CECR2: variants seen among roughly 807,000 people sequenced by gnomAD.
CECR2 encodes chromatin remodeling regulator CECR2.
CECR2 carries 30 observed loss-of-function variants against 154.5 expected under a neutral mutation model. That is an observed-to-expected ratio of 0.19 (90% confidence interval 0.15 to 0.26). The LOEUF (loss-of-function observed/expected upper bound fraction) is 0.26, where lower values mean the gene tolerates loss of function less well. Among genes scored for constraint, CECR2 ranks in the 10% least tolerant of loss-of-function variants. The probability of loss-of-function intolerance (pLI) is 1.00; values close to 1 mark genes in which losing one functional copy is unlikely to be tolerated. For synonymous variants in CECR2, 725 were observed against 683.7 expected, an observed-to-expected ratio of 1.06 and a Z score of -0.94; for missense variants, 1,743 against 1,829.3, an observed-to-expected ratio of 0.95 and a Z score of 0.86.
At chr22:17,508,904 A>G (rs1239633347) in intron 7 of CECR2, among the ~76,000 whole-genome samples, 1 of 152,220 alleles carries the variant, frequency 6.6e-6, no homozygotes, top group Admixed American at 6.5e-5. Context: ...ACTGTTTTGC[A>G]GTCTTATCCA....
At chr22:17,376,381 G>A (rs914451239) in intron 1 of CECR2, among the ~76,000 whole-genome samples, 6 of 129,964 alleles carry the variant, frequency 4.6e-5, no homozygotes, top group African/African-American at 1.7e-4. Context: ...TTAATGTTCT[G>A]GAATACACTT....
Position 17,552,952 on chromosome 22 carries a change from A to G in CECR2, c.*112A>G. The G allele has an allele frequency of 6.6e-7, 1 of 1,507,848 alleles. No individual in the cohort carries two copies. The highest frequency in any genetic ancestry group is 8.8e-7 in the Non-Finnish European group (1 of 1,130,906). 93.4% of individuals were successfully genotyped at this position (1,507,848 alleles called of 1,614,324 possible). On this transcript the variant is annotated 3_prime_UTR_variant, in exon 19 of 19. Transcript: ENST00000262608. ...TTCCCATCACCTGCTCCACCCCTTCACGGCGACCCACTCGTGCCATACTTG... is the reference window on the plus strand; with the variant it reads ...TTCCCATCACCTGCTCCACCCCTTCGCGGCGACCCACTCGTGCCATACTTG...
At chr22:17,451,558 A>G (rs557623691) in intron 1 of CECR2, among the ~76,000 whole-genome samples, 5 of 152,240 alleles carry the variant, frequency 3.3e-5, no homozygotes, top group Admixed American at 1.3e-4. Context: ...TCTCAGTTCC[A>G]TGGGGCTTGC....
chr22:17,425,415 A>G (rs1164063599), intron 1 of CECR2, among the ~76,000 whole-genome samples: 3 of 152,118 alleles, frequency 2.0e-5, no homozygotes, highest in African/African-American at 7.2e-5. Flanking sequence ...CTTTCAATAC[A>G]TATTTATTGA....
intron 2 of CECR2, among the ~76,000 whole-genome samples, chr22:17,477,979 G>C (rs1312901816): frequency 2.0e-5 from 3 of 152,038 alleles, no homozygotes; most frequent in African/African-American, 7.2e-5. Flanking sequence ...GCCATTTTCT[G>C]ATTTTGCAGT....
intron 3 of CECR2, among the ~76,000 whole-genome samples, chr22:17,498,968 C>T (rs2146876563): frequency 6.6e-6 from 1 of 151,566 alleles, no homozygotes; most frequent in Admixed American, 6.6e-5. Context: ...ACATAAGATA[C>T]TTGGACATTT....
At chr22:17,495,625 G>A (rs1414736365) in intron 2 of CECR2, among the ~76,000 whole-genome samples, 1 of 150,172 alleles carries the variant, frequency 6.7e-6, no homozygotes, top group Non-Finnish European at 1.5e-5. Context: ...CACTTCGGGA[G>A]GCCGAGGCGG....
intron 1 of CECR2, among the ~76,000 whole-genome samples, chr22:17,381,875 A>G (rs1934342781): frequency 6.8e-6 from 1 of 146,706 alleles, no homozygotes; most frequent in South Asian, 2.1e-4. Flanking sequence ...TAGGTCAGAG[A>G]GCCCCCACAT....
chr22:17,497,730 A>G (rs974480742), intron 3 of CECR2, 144 bp downstream of exon 3: 10 of 719,154 alleles, frequency 1.4e-5, no homozygotes, highest in Admixed American at 2.6e-5. Context: ...ATAACACTGT[A>G]TGGAAAACCA....
chr22:17,520,655 A>G (rs988916625), intron 8 of CECR2, among the ~76,000 whole-genome samples: 1 of 151,730 alleles, frequency 6.6e-6, no homozygotes, highest in Admixed American at 6.6e-5. Context: ...GTTCCCACCT[A>G]TGAGTGAGAA....
intron 1 of CECR2, among the ~76,000 whole-genome samples, chr22:17,392,631 GA>G (rs1255992265): frequency 1.3e-5 from 2 of 151,438 alleles, no homozygotes; most frequent in Non-Finnish European, 2.9e-5. Flanking sequence ...GCAGTGAGCC[GA>G]AATTATACCA....
chr22:17,409,189 G>A (rs2054031673), intron 1 of CECR2, among the ~76,000 whole-genome samples: 1 of 150,390 alleles, frequency 6.6e-6, no homozygotes. Flanking sequence ...CTGGAGTGCA[G>A]TGGCATGATC....
intron 1 of CECR2, among the ~76,000 whole-genome samples, chr22:17,475,509 G>A (rs2055194430): frequency 6.6e-6 from 1 of 152,090 alleles, no homozygotes; most frequent in Admixed American, 6.6e-5. Context: ...GCCCAGGCTG[G>A]TCTCAAACTC....
intron 1 of CECR2, among the ~76,000 whole-genome samples, chr22:17,379,632 T>C (rs2146465803): frequency 6.9e-6 from 1 of 144,490 alleles, no homozygotes; most frequent in African/African-American, 2.5e-5. Context: ...GTGTTTGCGA[T>C]ATATGCATAT....
intron 8 of CECR2, among the ~76,000 whole-genome samples, chr22:17,513,113 G>T (rs764911589): frequency 6.6e-6 from 1 of 152,052 alleles, no homozygotes; most frequent in Non-Finnish European, 1.5e-5. Context: ...TAGCTCAGGA[G>T]CCTGAAGCAG....
upstream of CECR2, among the ~76,000 whole-genome samples, chr22:17,367,039 GGGA>G (rs1301766947): frequency 1.3e-5 from 2 of 152,216 alleles, no homozygotes; most frequent in Admixed American, 6.5e-5. Flanking sequence ...GGCAGCAGAA[GGGA>G]GGAGGAGCCC....
intron 1 of CECR2, among the ~76,000 whole-genome samples, chr22:17,460,345 G>A (rs1479697518): frequency 2.6e-5 from 4 of 152,288 alleles, no homozygotes; most frequent in African/African-American, 9.6e-5. Flanking sequence ...GACTAGCTGG[G>A]ATTACAGGTG....
At chr22:17,376,287 A>G (rs2063118278) in intron 1 of CECR2, among the ~76,000 whole-genome samples, 1 of 152,200 alleles carries the variant, frequency 6.6e-6, no homozygotes, top group African/African-American at 2.4e-5. Context: ...GATCTTCTGC[A>G]GTTTAGAAGG....
chr22:17,549,851 C>T (rs868331389), intron 17 of CECR2, among the ~76,000 whole-genome samples: 10 of 140,046 alleles, frequency 7.1e-5, no homozygotes, highest in South Asian at 6.9e-4. Context: ...GTCCTAGTCT[C>T]CTGAGCGCAA....
Sources: gnomAD v4.1 joint callset for allele counts (sites outside exome capture counted in the v4.1 genomes callset) on GRCh38, gnomAD v4.1.1 for gene constraint, MANE v1.5 for transcripts, NCBI Gene and HGNC (gene_info 2026-07-23, HGNC 2026-07-21) for gene names.